The following WAPL variants were observed in gnomAD, a reference collection of about 807,000 sequenced individuals.
WAPL encodes the protein wings apart-like protein homolog.
WAPL carries 5 observed loss-of-function variants against 121.0 expected under a neutral mutation model. The ratio of observed to expected loss-of-function variants is 0.04; its 90% CI spans 0.02 to 0.09. The LOEUF (loss-of-function observed/expected upper bound fraction) is 0.09, where lower values mean the gene tolerates loss of function less well. Among genes scored for constraint, WAPL ranks in the 10% least tolerant of loss-of-function variants. WAPL has a pLI of 1.00. For missense variants in WAPL, 999 were observed against 1,410.8 expected, an observed-to-expected ratio of 0.71 and a Z score of 4.68; for synonymous variants, 480 against 481.5, an observed-to-expected ratio of 1.00 and a Z score of 0.04.
intron 4 of WAPL, among the ~76,000 whole-genome samples, chr10:86,493,601 C>T (rs577827244): frequency 3.9e-5 from 6 of 152,238 alleles, no homozygotes; most frequent in Admixed American, 2.6e-4. Context: ...GTGATCATAG[C>T]TCACTGCAGC....
chr10:86,442,567 G>T (rs906591209), intron 17 of WAPL, among the ~76,000 whole-genome samples: 6 of 152,112 alleles, frequency 3.9e-5, no homozygotes, highest in Non-Finnish European at 8.8e-5. Flanking sequence ...AAGCCATAAA[G>T]ATCAACTTTA....
intron 5 of WAPL, among the ~76,000 whole-genome samples, chr10:86,473,278 C>T (rs1841575143): frequency 6.6e-6 from 1 of 152,140 alleles, no homozygotes; most frequent in Non-Finnish European, 1.5e-5. Flanking sequence ...GGGAACTGTA[C>T]ATTATACTTT....
chr10:86,462,721 CAAAAA>C (rs59998538), intron 9 of WAPL, among the ~76,000 whole-genome samples: 4 of 80,642 alleles, frequency 5.0e-5, no homozygotes, highest in South Asian at 5.2e-4. Context: ...GATCCCGTCT[CAAAAA>C]AAAAAAAAAA....
intron 4 of WAPL, among the ~76,000 whole-genome samples, chr10:86,495,704 C>T (rs1215287605): frequency 2.6e-5 from 4 of 152,050 alleles, no homozygotes; most frequent in Non-Finnish European, 5.9e-5. Context: ...CATCAAAGGA[C>T]AATATCAATA....
chr10:86,505,300 CTTTTTTTTTT>C (rs531404303), intron 2 of WAPL, among the ~76,000 whole-genome samples: 44 of 44,648 alleles, frequency 9.9e-4, no homozygotes, highest in Admixed American at 5.2e-3. Context: ...GTGCCCAACT[CTTTTTTTTTT>C]TTTTTTTTTT....
At chr10:86,500,817 T>G (rs918661985) in intron 2 of WAPL, 74 bp from the exon 3 acceptor site, 1 of 1,183,496 alleles carries the variant, frequency 8.4e-7, no homozygotes, top group Non-Finnish European at 1.2e-6. Context: ...TATATGTGGT[T>G]AATCAATAGT....
chr10:86,479,142 A>C (rs1841726499), intron 4 of WAPL, among the ~76,000 whole-genome samples: 1 of 152,142 alleles, frequency 6.6e-6, no homozygotes. Context: ...ACAACAACAA[A>C]AACAGAGGAA....
intron 4 of WAPL, among the ~76,000 whole-genome samples, chr10:86,495,790 A>G (rs1842138066): frequency 6.6e-6 from 1 of 152,148 alleles, no homozygotes; most frequent in South Asian, 2.1e-4. Flanking sequence ...ATACTACTAC[A>G]ACTCAATAAA....
At chr10:86,476,233 T>C (rs1841649868) in intron 4 of WAPL, among the ~76,000 whole-genome samples, 1 of 150,866 alleles carries the variant, frequency 6.6e-6, no homozygotes, top group Non-Finnish European at 1.5e-5. Flanking sequence ...GGCACGGTGG[T>C]GGGCACCTGC....
Position 86,500,720 on chromosome 10 carries a change from C to T in WAPL, c.523G>A (p.Glu175Lys). 9 of 1,566,832 alleles carry T rather than the reference C, an allele frequency of 5.7e-6. No individual in the cohort carries two copies. Among genetic ancestry groups the T allele is most frequent in the Non-Finnish European group, 7.7e-6 (9 of 1,162,730 alleles). Residue 175 changes from glutamate to lysine, a missense_variant, in exon 3 of 19, where the codon GAA becomes AAA. Coordinates refer to ENST00000298767, the MANE Select transcript of WAPL (RefSeq NM_015045.5). ...TSDKVENFHE[E>K]HEKNSHHIHK... ...ATATGGTGACTATTCTTTTCATGTTCTTCATGAAAATTCTCCACTTTATCT... is the reference window on the plus strand; with the variant it reads ...ATATGGTGACTATTCTTTTCATGTTTTTCATGAAAATTCTCCACTTTATCT...
At chr10:86,506,476 T>C (rs1842350271) in intron 2 of WAPL, among the ~76,000 whole-genome samples, 2 of 152,218 alleles carry the variant, frequency 1.3e-5, no homozygotes, top group Non-Finnish European at 1.5e-5. Context: ...CATGTTATAT[T>C]TTAAAATGTC....
intron 16 of WAPL, 102 bp from the exon 17 acceptor site, chr10:86,443,465 A>C: frequency 1.1e-6 from 1 of 878,004 alleles, no homozygotes. Context: ...ACTGCTACAA[A>C]TCAACGAATG....
At position 86,499,921 on chromosome 10, in the gene WAPL, CCTT is replaced by C. The variant is rs778660749; in HGVS notation, c.1319_1321del (p.Glu440del). ...TTTGTAATTAGAACTTCCAGAACCT[CCTT>C]CATCACCTCCTGTCTCATGATCTTC... On this transcript the variant is annotated inframe_deletion, in exon 3 of 19. Coordinates refer to ENST00000298767, the MANE Select transcript of WAPL (RefSeq NM_015045.5). 6.2e-7 allele frequency: 1 copy of C among 1,614,104 alleles called. No homozygotes were observed. The highest frequency in any genetic ancestry group is 1.1e-5 in the South Asian group (1 of 91,070).
intron 17 of WAPL, among the ~76,000 whole-genome samples, chr10:86,440,389 G>A (rs747533656): frequency 1.3e-5 from 2 of 151,518 alleles, no homozygotes; most frequent in South Asian, 2.1e-4. Flanking sequence ...CCGAGTTCAC[G>A]CCATTCTGCT....
rs1448879575 is a variant in WAPL, at chr10:86,483,800, T to C, written c.1645-9827A>G. ...AAAAAAAAAATTTTTTTTTCTTTTT[T>C]TTTTTTTTTTTTTTTTGGCAGTCTC... On this transcript the variant is annotated intron_variant, in intron 4 of 18. Transcript: ENST00000298767. 1.1e-3 allele frequency among the ~76,000 whole-genome samples: 154 copies of C among 135,448 alleles called. 2 individuals are homozygous for C. In the South Asian group the frequency reaches 0.033, roughly 29 times the overall value. The allele number at this position is 135,448 out of a possible 152,430, so 88.9% of individuals were successfully genotyped here.
At chr10:86,484,571 T>C (rs1363621333) in intron 4 of WAPL, among the ~76,000 whole-genome samples, 1 of 152,204 alleles carries the variant, frequency 6.6e-6, no homozygotes, top group Non-Finnish European at 1.5e-5. Flanking sequence ...CTATTATAAC[T>C]TTAGTGCAGC....
At chr10:86,458,226 G>C (rs1841193253) in intron 12 of WAPL, among the ~76,000 whole-genome samples, 1 of 152,214 alleles carries the variant, frequency 6.6e-6, no homozygotes, top group African/African-American at 2.4e-5. Flanking sequence ...GTTCTGGATA[G>C]GCTAAAGGCC....
chr10:86,505,352 A>C (rs1326660782), intron 2 of WAPL, among the ~76,000 whole-genome samples: 2 of 127,536 alleles, frequency 1.6e-5, no homozygotes, highest in Non-Finnish European at 3.2e-5. Context: ...TCTGTCAATA[A>C]GGCAGTGGTG....
chr10:86,495,789 C>A (rs1842138000), intron 4 of WAPL, among the ~76,000 whole-genome samples: 1 of 152,046 alleles, frequency 6.6e-6, no homozygotes, highest in Non-Finnish European at 1.5e-5. Context: ...CATACTACTA[C>A]AACTCAATAA....
Sources: gnomAD v4.1 joint callset for allele counts (sites outside exome capture counted in the v4.1 genomes callset) on GRCh38, gnomAD v4.1.1 for gene constraint, MANE v1.5 for transcripts, NCBI Gene and HGNC (gene_info 2026-07-23, HGNC 2026-07-21) for gene names.